The following DLGAP2 variants were observed in gnomAD, a reference collection of about 807,000 sequenced individuals.
DLGAP2 encodes the protein DLG associated protein 2.
DLGAP2 carries 26 observed loss-of-function variants against 100.3 expected under a neutral mutation model. The ratio of observed to expected loss-of-function variants is 0.26; its 90% CI spans 0.19 to 0.36. The LOEUF (loss-of-function observed/expected upper bound fraction) is 0.36. Among genes scored for constraint, DLGAP2 ranks in the 10% least tolerant of loss-of-function variants. The pLI is 1.00. For synonymous variants in DLGAP2, 886 were observed against 630.1 expected (o/e 1.41, Z -6.08); for missense variants, 1,858 against 1,453.2 (o/e 1.28, Z -4.53).
intron 2 of DLGAP2, among the ~76,000 whole-genome samples, chr8:1,025,187 T>C (rs1320228162): frequency 6.6e-6 from 1 of 152,204 alleles, no homozygotes; most frequent in African/African-American, 2.4e-5. Context: ...AGTTGCATTG[T>C]TTGGGTTGCC....
In DLGAP2 at chr8:1,031,884, T is replaced by C. The variant is rs538412823; in HGVS notation, c.73+123918T>C. On this transcript the variant is annotated intron_variant, in intron 2 of 14. Coordinates refer to ENST00000637795, the MANE Select transcript of DLGAP2 (RefSeq NM_001346810.2). ...GAAATGAATTCACCTGTGGCCACCATAAGTCCATGCTACGCTGGTCTCTCA... is the reference window on the plus strand; with the variant it reads ...GAAATGAATTCACCTGTGGCCACCACAAGTCCATGCTACGCTGGTCTCTCA... Among the ~76,000 whole-genome samples, 49 of 152,354 alleles carry C rather than the reference T, an allele frequency of 3.2e-4. 2 individuals carry two copies. The South Asian group carries it at 9.5e-3, about 30-fold the overall frequency.
At chr8:1,676,008 T>G (rs1798803128) in intron 10 of DLGAP2, among the ~76,000 whole-genome samples, 1 of 152,192 alleles carries the variant, frequency 6.6e-6, no homozygotes, top group African/African-American at 2.4e-5. Flanking sequence ...CTGCTGGCCA[T>G]CCTCTTAGCA....
rs747405762 is a variant in DLGAP2 at position 1,549,202 on chromosome 8, C to G, written c.749C>G (p.Ser250Cys). Residue 250 changes from serine (S) to cysteine (C), a missense_variant, in exon 5 of 15, where the codon TCC becomes TGC. Coordinates refer to ENST00000637795, the MANE Select transcript of DLGAP2 (RefSeq NM_001346810.2). ...FTKSHSLEGSSKSNANGTKAD... is the reference protein window; with the variant it reads ...FTKSHSLEGSCKSNANGTKAD... ...AAGTCGCACTCGCTGGAGGGCTCCT[C>G]CAAAAGCAACGCCAACGGCACCAAG... 17 of 1,601,326 alleles carry G rather than the reference C, an allele frequency of 1.1e-5. No individual in the cohort carries two copies. Among genetic ancestry groups the G allele is most frequent in the Admixed American group, 1.7e-5 (1 of 57,718 alleles).
chr8:1,409,178 G>C (rs571215983), intron 3 of DLGAP2, among the ~76,000 whole-genome samples: 11 of 123,022 alleles, frequency 8.9e-5, no homozygotes, highest in African/African-American at 3.3e-4. Context: ...CACCATAGCA[G>C]GCGCCTGGCT....
intron 3 of DLGAP2, among the ~76,000 whole-genome samples, chr8:1,289,060 G>T (rs546029253): frequency 6.6e-6 from 1 of 152,126 alleles, no homozygotes; most frequent in Non-Finnish European, 1.5e-5. Flanking sequence ...AGATAGAGCC[G>T]GTATTGCTTC....
chr8:1,644,680 T>A (rs1798000728), intron 8 of DLGAP2, among the ~76,000 whole-genome samples: 1 of 152,216 alleles, frequency 6.6e-6, no homozygotes, highest in Non-Finnish European at 1.5e-5. Flanking sequence ...TAAAATGTAC[T>A]TATCTTTTAA....
At chr8:1,341,373 A>T (rs1801412586) in intron 3 of DLGAP2, among the ~76,000 whole-genome samples, 1 of 152,210 alleles carries the variant, frequency 6.6e-6, no homozygotes, top group South Asian at 2.1e-4. Context: ...TTTGCAGTAC[A>T]TTTAATTTTA....
chr8:1,658,072 G>A (rs1376412785), intron 8 of DLGAP2, among the ~76,000 whole-genome samples: 2 of 152,052 alleles, frequency 1.3e-5, no homozygotes, highest in African/African-American at 4.8e-5. Flanking sequence ...TAGGGCCCAG[G>A]GGATTGGTTA....
intron 12 of DLGAP2, among the ~76,000 whole-genome samples, chr8:1,683,678 G>A (rs1799018630): frequency 6.7e-6 from 1 of 149,402 alleles, no homozygotes; most frequent in South Asian, 2.1e-4. Context: ...CGAACAGGAT[G>A]CCACACTCCT....
At chr8:930,624 T>C (rs1798933055) in intron 2 of DLGAP2, among the ~76,000 whole-genome samples, 1 of 152,214 alleles carries the variant, frequency 6.6e-6, no homozygotes, top group African/African-American at 2.4e-5. Context: ...CGTCCTGGGC[T>C]TGCCGCCACG....
chr8:1,422,351 C>T (rs762371031), intron 3 of DLGAP2, among the ~76,000 whole-genome samples: 6 of 152,064 alleles, frequency 3.9e-5, no homozygotes, highest in Non-Finnish European at 8.8e-5. Flanking sequence ...GTGAAATTTC[C>T]GTCCACTGCA....
At chr8:977,826 G>A (rs573334350) in intron 2 of DLGAP2, among the ~76,000 whole-genome samples, 1 of 63,250 alleles carries the variant, frequency 1.6e-5, no homozygotes, top group South Asian at 7.4e-4. Context: ...TTGGTGTTGT[G>A]GGGAGGGCGT....
At chr8:977,419 TG>T (rs1448944982) in intron 2 of DLGAP2, among the ~76,000 whole-genome samples, 1 of 152,238 alleles carries the variant, frequency 6.6e-6, no homozygotes, top group Non-Finnish European at 1.5e-5. Context: ...CACATGGCAA[TG>T]TGAGGTCAAA....
At chr8:1,190,867 G>C (rs1481064221) in intron 2 of DLGAP2, among the ~76,000 whole-genome samples, 1 of 152,186 alleles carries the variant, frequency 6.6e-6, no homozygotes, top group Non-Finnish European at 1.5e-5. Context: ...AGCAGCAAGC[G>C]TGGGGTCTGT....
At chr8:1,618,498 G>A (rs1433249329) in intron 6 of DLGAP2, among the ~76,000 whole-genome samples, 1 of 152,160 alleles carries the variant, frequency 6.6e-6, no homozygotes, top group East Asian at 1.9e-4. Flanking sequence ...AACCTCAGTA[G>A]AATCAATGTC....
At position 744,471 on chromosome 8, in the gene DLGAP2, G is replaced by A. The variant is rs376128642; in HGVS notation, c.18+6646G>A. On this transcript the variant is annotated intron_variant, in intron 1 of 14. Coordinates refer to ENST00000637795, the MANE Select transcript of DLGAP2 (RefSeq NM_001346810.2). ...GTACAGATTCCCCAGCCCAACCTGC[G>A]TCCCTCCCTCTTCTCCGGCCACGTC... Among the ~76,000 whole-genome samples the A allele has an allele frequency of 7.2e-5, 11 of 152,122 alleles. No homozygotes were observed. In the East Asian group the frequency reaches 9.7e-4, roughly 13 times the overall value.
chr8:1,257,403 C>A (rs559080788), intron 2 of DLGAP2, among the ~76,000 whole-genome samples: 3 of 152,060 alleles, frequency 2.0e-5, no homozygotes, highest in African/African-American at 7.2e-5. Context: ...CCCTCCTGAA[C>A]GCCCTCCGCT....
At chr8:1,105,664 A>G (rs1012674421) in intron 2 of DLGAP2, among the ~76,000 whole-genome samples, 3 of 145,806 alleles carry the variant, frequency 2.1e-5, no homozygotes, top group Admixed American at 6.9e-5. Flanking sequence ...AGGGTTTTCT[A>G]CTGAAGGGGG....
At chr8:1,601,760 C>A (rs1217190486) in intron 6 of DLGAP2, among the ~76,000 whole-genome samples, 1 of 152,150 alleles carries the variant, frequency 6.6e-6, no homozygotes, top group Non-Finnish European at 1.5e-5. Context: ...ATGCTCAGAG[C>A]TCTCTCGTAG....
Sources: allele counts gnomAD v4.1 joint callset (sites outside exome capture counted in the v4.1 genomes callset), GRCh38; gene constraint gnomAD v4.1.1; transcripts MANE v1.5; gene names NCBI Gene and HGNC (gene_info 2026-07-23, HGNC 2026-07-21).